SMPD3: variants seen among roughly 807,000 people sequenced by gnomAD.
SMPD3 encodes the protein sphingomyelin phosphodiesterase 3.
SMPD3 carries 21 observed loss-of-function variants against 55.7 expected under a neutral mutation model. The observed-to-expected ratio is 0.38, with a 90% CI of 0.27 to 0.54. The LOEUF (loss-of-function observed/expected upper bound fraction) is 0.54. SMPD3 is among the 20% of genes least tolerant of loss of function. SMPD3 has a pLI of 0.80. For missense variants in SMPD3, 842 were observed against 899.6 expected (o/e 0.94, Z 0.82); for synonymous variants, 457 against 404.3 (o/e 1.13, Z -1.56).
chr16:68,366,698 T>C lies in SMPD3; in HGVS notation c.1324-1606A>G, dbSNP rs2089489510. Among the ~76,000 whole-genome samples the C allele has an allele frequency of 7.2e-5, 11 of 152,316 alleles. No individual in the cohort carries two copies. The South Asian group carries it at 2.3e-3, about 32-fold the overall frequency. On this transcript the variant is annotated intron_variant, in intron 3 of 8. Coordinates refer to ENST00000219334, the MANE Select transcript of SMPD3 (RefSeq NM_018667.4). ...CTGGCCAACATGATGAAACCCCATC[T>C]CGACTAAGAATACAAAAATTAGCCG... is the stretch of plus-strand genomic sequence containing the variant.
chr16:68,387,383 GA>G (rs770172071), intron 1 of SMPD3, among the ~76,000 whole-genome samples: 2 of 152,236 alleles, frequency 1.3e-5, no homozygotes, highest in East Asian at 3.9e-4. Flanking sequence ...TCCCCTTGCT[GA>G]CTGAGGTGAG....
Position 68,370,890 on chromosome 16 carries a change from G to A in SMPD3, c.1292C>T (p.Ala431Val), listed in dbSNP as rs1402025355. 6.2e-7 allele frequency: 1 copy of A among 1,613,922 alleles called. No homozygotes were observed. The highest frequency in any genetic ancestry group is 1.7e-5 in the Admixed American group (1 of 59,984). The change falls in exon 3 of 9, where the codon GCC becomes GTC. Residue 431 changes from alanine (A) to valine (V), a missense_variant. Around this residue, in one of 2 missense-constraint regions of SMPD3, gnomAD observed 649 missense variants for 643.6 expected, o/e 1.01. Transcript: ENST00000219334. ...AAACAGAGCTCCCTTAGAGGCCAGG[G>A]CATCGTCGTTACACTTGTTGGGGTA... is the stretch of plus-strand genomic sequence containing the variant. Reference protein sequence around the residue: ...HCYPNKCNDDALASKGALFLK... With the variant: ...HCYPNKCNDDVLASKGALFLK...
chr16:68,366,230 T>A (rs2089474906), intron 3 of SMPD3, among the ~76,000 whole-genome samples: 1 of 152,164 alleles, frequency 6.6e-6, no homozygotes, highest in African/African-American at 2.4e-5. Context: ...TCACAGCCCA[T>A]CTGCTCCAAC....
chr16:68,368,714 CA>C (rs1453425418), intron 3 of SMPD3: 1 of 152,276 alleles, frequency 6.6e-6, no homozygotes, highest in Non-Finnish European at 1.5e-5. Flanking sequence ...TGGGCCAGGA[CA>C]AAGCAGAGGG....
chr16:68,419,202 C>A (rs1178167117), intron 1 of SMPD3, among the ~76,000 whole-genome samples: 1 of 152,144 alleles, frequency 6.6e-6, no homozygotes, highest in Non-Finnish European at 1.5e-5. Context: ...GTCGGGGGGT[C>A]TTGGAGGAAG....
chr16:68,380,242 CAG>C (rs2089918367), intron 2 of SMPD3, among the ~76,000 whole-genome samples: 1 of 152,278 alleles, frequency 6.6e-6, no homozygotes, highest in African/African-American at 2.4e-5. Context: ...ACTTATCTGC[CAG>C]AGTTTGCAAG....
Position 68,420,221 on chromosome 16 carries a change from G to A in SMPD3, c.-269+28132C>T, listed in dbSNP as rs1051295676. On this transcript the variant is annotated intron_variant, in intron 1 of 8. Coordinates refer to ENST00000219334, the MANE Select transcript of SMPD3 (RefSeq NM_018667.4). ...GCCTCCCAAAGTGCTGGGATTATAC[G>A]TGTGAGCCACCATGCCCGGCCATTA... 6.6e-5 allele frequency among the ~76,000 whole-genome samples: 10 copies of A among 152,090 alleles called. No homozygotes were observed. The South Asian group carries it at 8.3e-4, about 13-fold the overall frequency.
chr16:68,436,530 C>T (rs1426474254), intron 1 of SMPD3, among the ~76,000 whole-genome samples: 1 of 152,172 alleles, frequency 6.6e-6, no homozygotes, highest in East Asian at 1.9e-4. Context: ...TTGTGCTTTT[C>T]TTTGCACATA....
chr16:68,444,889 G>C (rs756942093), intron 1 of SMPD3, among the ~76,000 whole-genome samples: 9 of 152,218 alleles, frequency 5.9e-5, no homozygotes, highest in Admixed American at 2.0e-4. Flanking sequence ...TTATGATACT[G>C]AGTCACATAG....
In SMPD3 at chr16:68,371,175, C is replaced by A; in HGVS notation, c.1007G>T (p.Arg336Leu). The change falls in exon 3 of 9, where the codon CGC becomes CTC. Residue 336 changes from arginine (R) to leucine (L), a missense_variant. Coordinates refer to ENST00000219334, the MANE Select transcript of SMPD3 (RefSeq NM_018667.4). Reference sequence around the variant, plus strand: ...GGCCTCGTCGGGGTGCCGCCTCCTGCGTGCAGCCGCCTTCTTCACCACCGA... The same window carrying A: ...GGCCTCGTCGGGGTGCCGCCTCCTGAGTGCAGCCGCCTTCTTCACCACCGA... ...KASVVKKAAARRRRHPDEAFD... is the reference protein window; with the variant it reads ...KASVVKKAAALRRRHPDEAFD... 1 of 1,612,750 alleles carries A rather than the reference C, an allele frequency of 6.2e-7. No homozygotes were observed. The highest frequency in any genetic ancestry group is 1.3e-5 in the African/African-American group (1 of 74,988).
intron 1 of SMPD3, among the ~76,000 whole-genome samples, chr16:68,438,073 G>A (rs147450297): frequency 6.6e-6 from 1 of 152,186 alleles, no homozygotes; most frequent in Non-Finnish European, 1.5e-5. Context: ...GGAGGCAGCT[G>A]CTCAGGAGTG....
At chr16:68,430,308 C>T (rs1414362662) in intron 1 of SMPD3, among the ~76,000 whole-genome samples, 1 of 152,208 alleles carries the variant, frequency 6.6e-6, no homozygotes, top group Admixed American at 6.5e-5. Flanking sequence ...CGGTGCCCCT[C>T]TGTGAATACT....
rs944381880 is a variant in SMPD3 at position 68,447,954 on chromosome 16, C to T, written c.-269+399G>A. Among the ~76,000 whole-genome samples, 2 of 151,534 alleles carry T rather than the reference C, an allele frequency of 1.3e-5. No homozygotes were observed. Among genetic ancestry groups the T allele is most frequent in the African/African-American group, 4.9e-5 (2 of 41,232 alleles). On this transcript the variant is annotated intron_variant, in intron 1 of 8. Coordinates refer to ENST00000219334, the MANE Select transcript of SMPD3 (RefSeq NM_018667.4). The surrounding 1 kb of genome is among the most constrained non-coding windows in gnomAD (Gnocchi z 5.1). ...TCACCACCAGACTCCTTTGTAACCTCGAGCAGCCGAAGTGTTGCGGGGAGG... is the reference window on the plus strand; with the variant it reads ...TCACCACCAGACTCCTTTGTAACCTTGAGCAGCCGAAGTGTTGCGGGGAGG...
At position 68,371,432 on chromosome 16, in the gene SMPD3, C is replaced by T. The variant is rs2089664604; in HGVS notation, c.750G>A (p.Glu250=). The T allele has an allele frequency of 6.3e-7, 1 of 1,577,552 alleles. No individual in the cohort carries two copies. Among genetic ancestry groups the T allele is most frequent in the Non-Finnish European group, 8.5e-7 (1 of 1,169,756 alleles). The part of the protein sequence containing the change: ...EDACIVRIGG[E]EGGRPPEADD... ...CAGCTTCAGGTGGCCGGCCGCCCTC[C>T]TCGCCACCGATGCGCACGATGCAGG... Residue 250 remains glutamate (E), a synonymous_variant, in exon 3 of 9, where the codon GAG becomes GAA. Coordinates refer to ENST00000219334, the MANE Select transcript of SMPD3 (RefSeq NM_018667.4).
chr16:68,414,883 A>T (rs1036130964), intron 1 of SMPD3, among the ~76,000 whole-genome samples: 1 of 152,168 alleles, frequency 6.6e-6, no homozygotes, highest in African/African-American at 2.4e-5. Flanking sequence ...AATCTGGAAG[A>T]CTGACGGACC....
intron 1 of SMPD3, among the ~76,000 whole-genome samples, chr16:68,436,703 T>C (rs950126400): frequency 6.6e-6 from 1 of 152,202 alleles, no homozygotes; most frequent in Non-Finnish European, 1.5e-5. Context: ...GTGGAAAAAC[T>C]GTACTTTGCT....
intron 1 of SMPD3, among the ~76,000 whole-genome samples, chr16:68,414,031 T>A (rs530265812): frequency 6.6e-6 from 1 of 152,302 alleles, no homozygotes; most frequent in Non-Finnish European, 1.5e-5. Flanking sequence ...AGGATGGCGC[T>A]GCCAGACTAT....
At chr16:68,431,661 C>T (rs981222536) in intron 1 of SMPD3, among the ~76,000 whole-genome samples, 1 of 152,234 alleles carries the variant, frequency 6.6e-6, no homozygotes, top group African/African-American at 2.4e-5. Flanking sequence ...ATGGCTCACG[C>T]CTGTAATCCC....
chr16:68,367,140 T>C (rs2089505000), intron 3 of SMPD3, among the ~76,000 whole-genome samples: 1 of 152,122 alleles, frequency 6.6e-6, no homozygotes, highest in African/African-American at 2.4e-5. Flanking sequence ...TGCACCACTC[T>C]GGCCTGGGCG....
Sources: allele counts gnomAD v4.1 joint callset (sites outside exome capture counted in the v4.1 genomes callset), GRCh38; gene constraint gnomAD v4.1.1; regional missense constraint gnomAD v4.1.1; non-coding constraint Gnocchi (gnomAD v3.1); transcripts MANE v1.5; gene names NCBI Gene and HGNC (gene_info 2026-07-23, HGNC 2026-07-21).